The following PCDHGB1 variants were observed in gnomAD, a reference collection of about 807,000 sequenced individuals.
The protein encoded by PCDHGB1 is protocadherin gamma-B1.
Under a neutral mutation model 56.6 loss-of-function variants are expected in PCDHGB1, and 34 were observed. The ratio of observed to expected loss-of-function variants is 0.60; its 90% CI spans 0.46 to 0.80. The LOEUF (loss-of-function observed/expected upper bound fraction) is 0.80, where lower values mean the gene tolerates loss of function less well. Ranked by LOEUF, PCDHGB1 falls within the 30% of genes least tolerant of loss-of-function variation. PCDHGB1 has a pLI of 0.00. For missense variants in PCDHGB1, 1,278 were observed against 1,204.6 expected, an observed-to-expected ratio of 1.06 and a Z score of -0.90; for synonymous variants, 561 against 505.9, an observed-to-expected ratio of 1.11 and a Z score of -1.46.
At chr5:141,371,175 G>T (rs753971437) in intron 1 of PCDHGB1, 1 of 1,614,004 alleles carries the variant, frequency 6.2e-7, no homozygotes, top group South Asian at 1.1e-5. Flanking sequence ...TGGCTCCTCC[G>T]TATTAAAAGT....
chr5:141,351,725 G>T lies in PCDHGB1; in HGVS notation c.1465G>T (p.Ala489Ser). 6.2e-7 allele frequency: 1 copy of T among 1,613,804 alleles called. No individual in the cohort carries two copies. Among genetic ancestry groups the T allele is most frequent in the Non-Finnish European group, 8.5e-7 (1 of 1,179,904 alleles). Residue 489 changes from alanine to serine, a missense_variant, in exon 1 of 4, where the codon GCC (alanine) becomes TCC (serine). Transcript: ENST00000523390. ...CGGCAGAGTCTCCTACTCTATTCTG[G>T]CCAGTGACCTGGAGCCGCGGGAGCT... ...PNGRVSYSIL[A>S]SDLEPRELLS...
intron 1 of PCDHGB1, among the ~76,000 whole-genome samples, chr5:141,445,948 G>A (rs538607380): frequency 6.6e-6 from 1 of 152,236 alleles, no homozygotes; most frequent in South Asian, 2.1e-4. Flanking sequence ...GCTTACTCTG[G>A]CTGCTATATG....
chr5:141,455,255 C>T (rs1049752169), intron 1 of PCDHGB1, among the ~76,000 whole-genome samples: 16 of 152,146 alleles, frequency 1.1e-4, no homozygotes, highest in African/African-American at 3.9e-4. Flanking sequence ...AGTACAATCG[C>T]ATTTCTTCCC....
rs998564450 is a variant in PCDHGB1 at position 141,401,627 on chromosome 5, G to T, written c.2409+48958G>T. The stretch of plus-strand genomic sequence containing the variant: ...AAAAAGACACCGGATTTGTCTTATC[G>T]TTTGGAGCTTTAAATATAAATGACT... On this transcript the variant is annotated intron_variant, in intron 1 of 3. Coordinates refer to ENST00000523390, the MANE Select transcript of PCDHGB1 (RefSeq NM_018922.3). Among the ~76,000 whole-genome samples the T allele has an allele frequency of 2.6e-5, 4 of 152,294 alleles. No homozygotes were observed. In the South Asian group the frequency reaches 8.3e-4, roughly 32 times the overall value.
chr5:141,365,789 G>A (rs200109132), intron 1 of PCDHGB1: 1 of 1,613,778 alleles, frequency 6.2e-7, no homozygotes, highest in African/African-American at 1.3e-5. Flanking sequence ...CAACGCTCGA[G>A]TCACCTACTC....
chr5:141,350,907 A>G lies in PCDHGB1; in HGVS notation c.647A>G (p.Asp216Gly), dbSNP rs199920590. 2.9e-4 allele frequency: 472 copies of G among 1,606,482 alleles called. 1 individual carries two copies. Among genetic ancestry groups the G allele is most frequent in the Admixed American group, 4.4e-4 (26 of 59,024 alleles). Residue 216 changes from aspartate to glycine, a missense_variant, in exon 1 of 4, where the codon GAC becomes GGC. Asp to Gly is a moderately conservative substitution (Grantham distance 94). Coordinates refer to ENST00000523390, the MANE Select transcript of PCDHGB1 (RefSeq NM_018922.3). ...RLILTAMDGG[D>G]PPLSGTTHIW... ...ATCCTGACTGCCATGGATGGCGGGGACCCGCCTCTAAGCGGCACCACCCAT... is the reference window on the plus strand; with the variant it reads ...ATCCTGACTGCCATGGATGGCGGGGGCCCGCCTCTAAGCGGCACCACCCAT...
At chr5:141,362,044 G>A (rs571731822) in intron 1 of PCDHGB1, 12 of 1,610,458 alleles carry the variant, frequency 7.5e-6, no homozygotes, top group Non-Finnish European at 1.0e-5. Flanking sequence ...CGACAGGGAC[G>A]CGGCCCGCCA....
chr5:141,374,491 A>G (rs749520440), intron 1 of PCDHGB1: 1 of 1,611,464 alleles, frequency 6.2e-7, no homozygotes, highest in Non-Finnish European at 8.5e-7. Context: ...TCTTAAAGGA[A>G]GAATTGGAAG....
chr5:141,483,255 GTTTT>G (rs147039946), intron 1 of PCDHGB1, among the ~76,000 whole-genome samples: 7,425 of 152,114 alleles, frequency 0.049, 355 homozygotes, highest in African/African-American at 0.13. Context: ...ATATCATGAG[GTTTT>G]TTTGTTTTAG....
chr5:141,457,806 G>A (rs1321207711), intron 1 of PCDHGB1, among the ~76,000 whole-genome samples: 1 of 152,150 alleles, frequency 6.6e-6, no homozygotes, highest in Non-Finnish European at 1.5e-5. Context: ...CTCCTCTTGA[G>A]GTCCCAAGAT....
At chr5:141,412,601 A>G (rs2095565422) in intron 1 of PCDHGB1, 1 of 152,188 alleles carries the variant, frequency 6.6e-6, no homozygotes, top group African/African-American at 2.4e-5. Context: ...ACTAAATAAA[A>G]TTGGCCTATT....
chr5:141,415,123 G>A (rs1349224471), intron 1 of PCDHGB1: 3 of 1,613,540 alleles, frequency 1.9e-6, no homozygotes, highest in African/African-American at 1.3e-5. Context: ...CGTAGTGGCC[G>A]TCCAGGACCA....
In PCDHGB1 at chr5:141,477,147, A is replaced by G. The variant is rs1195888163; in HGVS notation, c.2410-17660A>G. On this transcript the variant is annotated intron_variant, in intron 1 of 3. Coordinates refer to ENST00000523390, the MANE Select transcript of PCDHGB1 (RefSeq NM_018922.3). The surrounding 1 kb of genome is among the most constrained non-coding windows in gnomAD (Gnocchi z 4.9). The stretch of plus-strand genomic sequence containing the variant: ...TGCAAAGTGTTGGTGGAGGTTGTGG[A>G]TGTGAATGACAACGCCCCGGAGATC... 2 of 1,614,168 alleles carry G rather than the reference A, an allele frequency of 1.2e-6. No individual in the cohort carries two copies. The highest frequency in any genetic ancestry group is 1.1e-5 in the South Asian group (1 of 91,080).
chr5:141,356,937 C>A, intron 1 of PCDHGB1: 2 of 1,614,226 alleles, frequency 1.2e-6, no homozygotes, highest in Non-Finnish European at 1.7e-6. Flanking sequence ...AGCTGGCACC[C>A]CGCTCCGCAG....
chr5:141,355,943 A>G lies in PCDHGB1; in HGVS notation c.2409+3274A>G, dbSNP rs747714819. 9 of 1,613,862 alleles carry G rather than the reference A, an allele frequency of 5.6e-6. No homozygotes were observed. The East Asian group carries it at 1.8e-4, about 32-fold the overall frequency. ...CCCGTGTTCACTCAGCCCGAGTACC[A>G]CGTAAGTGTTCGTGAGAACGTTCCT... On this transcript the variant is annotated intron_variant, in intron 1 of 3. Coordinates refer to ENST00000523390, the MANE Select transcript of PCDHGB1 (RefSeq NM_018922.3).
rs13436436 is a variant in PCDHGB1 at position 141,494,301 on chromosome 5, G to C, written c.2410-506G>C. Among the ~76,000 whole-genome samples, 1,119 of 152,302 alleles carry C rather than the reference G, an allele frequency of 7.3e-3. 11 individuals carry two copies. The highest frequency in any genetic ancestry group is 0.026 in the African/African-American group (1,077 of 41,560). Reference sequence around the variant, plus strand: ...CCAGAGAAGATGTCCCTGTGAATGTGTCACTGCACAACCTGGCACCAAAAG... The same window carrying C: ...CCAGAGAAGATGTCCCTGTGAATGTCTCACTGCACAACCTGGCACCAAAAG... On this transcript the variant is annotated intron_variant, in intron 1 of 3. Coordinates refer to ENST00000523390, the MANE Select transcript of PCDHGB1 (RefSeq NM_018922.3).
chr5:141,495,810 C>T (rs1003475681), intron 2 of PCDHGB1, among the ~76,000 whole-genome samples: 1 of 152,088 alleles, frequency 6.6e-6, no homozygotes, highest in Non-Finnish European at 1.5e-5. Context: ...CGTTTCCTAG[C>T]GCCTTGTGTT....
intron 1 of PCDHGB1, chr5:141,478,873 T>C: frequency 7.8e-7 from 1 of 1,274,424 alleles, no homozygotes; most frequent in African/African-American, 1.5e-5. Context: ...GATCAGAGTT[T>C]AGCTTGGTAT....
chr5:141,500,460 C>T (rs1421637554), intron 2 of PCDHGB1, among the ~76,000 whole-genome samples: 2 of 152,234 alleles, frequency 1.3e-5, no homozygotes, highest in South Asian at 2.1e-4. Context: ...CCGCCCGCCT[C>T]GGCCTCCCAA....
Sources: gnomAD v4.1 joint callset for allele counts (sites outside exome capture counted in the v4.1 genomes callset) on GRCh38, gnomAD v4.1.1 for gene constraint, Gnocchi (gnomAD v3.1) non-coding constraint, MANE v1.5 for transcripts, NCBI Gene and HGNC (gene_info 2026-07-23, HGNC 2026-07-21) for gene names.